Variants in PCNX2 observed in about 807,000 individuals in gnomAD.
PCNX2 encodes pecanex 2, also known as pecanex-like protein 2.
A neutral mutation model predicts 223.8 loss-of-function variants in PCNX2; 168 were observed. That is an observed-to-expected ratio of 0.75 (90% confidence interval 0.66 to 0.85). The LOEUF is 0.85. Ranked by LOEUF, PCNX2 falls within the 40% of genes least tolerant of loss-of-function variation. The pLI is 0.00. For missense variants in PCNX2, 2,507 were observed against 2,675.5 expected, an observed-to-expected ratio of 0.94 and a Z score of 1.39; for synonymous variants, 1,006 against 1,052.6, an observed-to-expected ratio of 0.96 and a Z score of 0.86.
intron 10 of PCNX2, 48 bp from the exon 11 acceptor site, chr1:233,218,232 A>C (rs1339779630): frequency 1.1e-6 from 1 of 913,412 alleles, no homozygotes; most frequent in Non-Finnish European, 1.5e-6. Flanking sequence ...AAAAAAAAAA[A>C]GTGTAAGTTT....
At chr1:233,103,048 T>C (rs1373655347) in intron 21 of PCNX2, among the ~76,000 whole-genome samples, 1 of 152,152 alleles carries the variant, frequency 6.6e-6, no homozygotes, top group African/African-American at 2.4e-5. Context: ...GAGTTTTGTG[T>C]ATGGTGAGAG....
chr1:233,094,437 A>G (rs1356421205), intron 22 of PCNX2, among the ~76,000 whole-genome samples: 1 of 152,222 alleles, frequency 6.6e-6, no homozygotes, highest in Non-Finnish European at 1.5e-5. Flanking sequence ...GCAAACATGT[A>G]TATAATTTTC....
At chr1:233,288,803 CCTTTTTTTT>C in intron 1 of PCNX2, 2 of 655,796 alleles carry the variant, frequency 3.0e-6, no homozygotes, top group Non-Finnish European at 4.9e-6. Context: ...GGAAAGATGC[CCTTTTTTTT>C]TTTTTTTTTT....
At chr1:233,232,844 G>C in intron 9 of PCNX2, 1 of 985,312 alleles carries the variant, frequency 1.0e-6, no homozygotes, top group Non-Finnish European at 1.2e-6. Flanking sequence ...CCAATGCAAT[G>C]CTTGACCGTC....
At chr1:233,008,023 C>T (rs1572005556) in intron 28 of PCNX2, among the ~76,000 whole-genome samples, 1 of 152,276 alleles carries the variant, frequency 6.6e-6, no homozygotes, top group African/African-American at 2.4e-5. Flanking sequence ...TGAGAATGAA[C>T]TCATCCCTTT....
chr1:233,292,198 C>CTTTTTTTTTTTTTTTT (rs1360464529), intron 1 of PCNX2, among the ~76,000 whole-genome samples: 1 of 134,344 alleles, frequency 7.4e-6, no homozygotes, highest in African/African-American at 3.0e-5. Flanking sequence ...TTCTTTCTTT[C>CTTTTTTTTTTTTTTTT]TTTCTTTTTT....
chr1:233,051,131 C>T (rs147039803), intron 25 of PCNX2, among the ~76,000 whole-genome samples: 2,335 of 152,048 alleles, frequency 0.015, 35 homozygotes, highest in Non-Finnish European at 0.025. Flanking sequence ...TGAGATACCA[C>T]CTCACATGAA....
intron 22 of PCNX2, among the ~76,000 whole-genome samples, chr1:233,094,506 G>C (rs1282885798): frequency 1.3e-5 from 2 of 152,138 alleles, no homozygotes; most frequent in African/African-American, 4.8e-5. Context: ...GCACATCTAA[G>C]AATAGCAACA....
chr1:233,049,285 C>T (rs1417687134), intron 25 of PCNX2, among the ~76,000 whole-genome samples: 1 of 152,132 alleles, frequency 6.6e-6, no homozygotes, highest in Non-Finnish European at 1.5e-5. Context: ...AGTTAATTCA[C>T]TATGATCAAG....
chr1:233,252,448 T>C lies in PCNX2; in HGVS notation c.2034A>G (p.Gln678=). 1 of 1,613,758 alleles carries C rather than the reference T, an allele frequency of 6.2e-7. No homozygotes were observed. ...TGATGACTTGCAAGACAGAACTATCTTGTTGGGAAGTTACCCTGTAGATTA... is the reference window on the plus strand; with the variant it reads ...TGATGACTTGCAAGACAGAACTATCCTGTTGGGAAGTTACCCTGTAGATTA... ...RQIIYRVTSQ[Q]DSSVLQVISG... Residue 678 remains glutamine, a synonymous_variant, in exon 7 of 34, where the codon CAA becomes CAG. Transcript: ENST00000258229.
At chr1:233,185,707 T>C (rs1680058857) in intron 15 of PCNX2, among the ~76,000 whole-genome samples, 1 of 152,210 alleles carries the variant, frequency 6.6e-6, no homozygotes, top group Non-Finnish European at 1.5e-5. Flanking sequence ...CAAATGTATA[T>C]CTAAAGATAT....
chr1:233,090,278 A>C, intron 22 of PCNX2, 88 bp from the exon 23 acceptor site: 1 of 1,446,968 alleles, frequency 6.9e-7, no homozygotes, highest in Non-Finnish European at 9.4e-7. Context: ...TTTTCACTAA[A>C]GTCATTTTTT....
At chr1:233,013,411 C>T (rs1670541064) in intron 28 of PCNX2, among the ~76,000 whole-genome samples, 3 of 152,150 alleles carry the variant, frequency 2.0e-5, no homozygotes, top group Non-Finnish European at 4.4e-5. Context: ...TGATACCTCC[C>T]AACAACTTGC....
chr1:233,287,016 G>C (rs1857004), intron 1 of PCNX2, among the ~76,000 whole-genome samples: 111,318 of 152,092 alleles, frequency 0.73, 41,438 homozygotes, highest in East Asian at 0.87. Context: ...AAGCTGTGAT[G>C]TGAAGTCATG....
At chr1:233,011,204 T>A (rs936330394) in intron 28 of PCNX2, among the ~76,000 whole-genome samples, 2 of 152,206 alleles carry the variant, frequency 1.3e-5, no homozygotes, top group African/African-American at 4.8e-5. Context: ...TAATATATCA[T>A]GACCAAGTAG....
At chr1:233,227,166 G>A in intron 10 of PCNX2, 60 bp downstream of exon 10, 1 of 1,506,670 alleles carries the variant, frequency 6.6e-7, no homozygotes. Flanking sequence ...AGCATGCAGT[G>A]GGCACTGTCA....
intron 1 of PCNX2, among the ~76,000 whole-genome samples, chr1:233,292,254 T>C (rs1661820322): frequency 7.0e-6 from 1 of 143,344 alleles, no homozygotes; most frequent in Non-Finnish European, 1.5e-5. Flanking sequence ...TCACCCAGCC[T>C]GGAGTGCAGT....
chr1:233,098,357 A>G (rs1674298037), intron 21 of PCNX2, among the ~76,000 whole-genome samples: 1 of 152,184 alleles, frequency 6.6e-6, no homozygotes, highest in Non-Finnish European at 1.5e-5. Flanking sequence ...AAATGAATCC[A>G]TTACAATTAT....
intron 19 of PCNX2, among the ~76,000 whole-genome samples, chr1:233,140,776 G>A (rs1360682161): frequency 6.6e-6 from 1 of 152,190 alleles, no homozygotes; most frequent in Non-Finnish European, 1.5e-5. Flanking sequence ...TGGAACAAGA[G>A]CCAGGACTCT....
Sources: gnomAD v4.1 joint callset for allele counts (sites outside exome capture counted in the v4.1 genomes callset) on GRCh38, gnomAD v4.1.1 for gene constraint, MANE v1.5 for transcripts, NCBI Gene and HGNC (gene_info 2026-07-23, HGNC 2026-07-21) for gene names.